The following UNKL variants were observed in gnomAD, a reference collection of about 807,000 sequenced individuals.
UNKL encodes the protein putative E3 ubiquitin-protein ligase UNKL.
In UNKL, 60 loss-of-function variants were observed where a neutral mutation model predicts 78.0. The ratio of observed to expected loss-of-function variants is 0.77; its 90% CI spans 0.63 to 0.95. The LOEUF is 0.95. UNKL is among the 40% of genes least tolerant of loss of function. UNKL has a pLI of 0.00. For missense variants in UNKL, 1,159 were observed against 1,045.7 expected (o/e 1.11, Z -1.49); for synonymous variants, 608 against 474.8 (o/e 1.28, Z -3.65).
intron 2 of UNKL, among the ~76,000 whole-genome samples, chr16:1,406,937 G>C (rs1596768396): frequency 6.7e-6 from 1 of 148,696 alleles, no homozygotes; most frequent in South Asian, 2.1e-4. Context: ...CAGGAGTTAA[G>C]AGATCAGCCT....
In UNKL at chr16:1,385,337, T is replaced by A; in HGVS notation, c.1135A>T (p.Ser379Cys). The change falls in exon 10 of 15, where the codon AGC (serine) becomes TGC (cysteine). Residue 379 changes from serine to cysteine, a missense_variant. By Grantham distance (112) the Ser-to-Cys change is moderately radical. Coordinates refer to ENST00000389221, the MANE Select transcript of UNKL (RefSeq NM_001372107.1). ...AAVHPPAPSVSSSVASSLASS... is the reference protein window; with the variant it reads ...AAVHPPAPSVCSSVASSLASS... ...GCCAGGCTGGACGCCACGCTGGAGC[T>A]CACGCTGGGGGCCGGCGGGTGGACC... 1 of 1,424,746 alleles carries A rather than the reference T, an allele frequency of 7.0e-7. No individual in the cohort carries two copies. The allele number at this position is 1,424,746 out of a possible 1,614,324, so 88.3% of individuals were successfully genotyped here. A position where few individuals can be genotyped will look rare whatever the true frequency, so the allele number is the denominator to read the frequency against.
rs2036882689 is a variant in UNKL, at chr16:1,387,897, C to T, written c.1087-2512G>A. Among the ~76,000 whole-genome samples, 1 of 151,988 alleles carries T rather than the reference C, an allele frequency of 6.6e-6. No individual in the cohort carries two copies. Among genetic ancestry groups the T allele is most frequent in the South Asian group, 2.1e-4 (1 of 4,828 alleles). On this transcript the variant is annotated intron_variant, in intron 9 of 14. Transcript: ENST00000389221. The surrounding 1 kb of genome is among the most constrained non-coding windows in gnomAD (Gnocchi z 4.1). ...GCACGGTCCCTACACACAAGCTGCC[C>T]CTGCTCAGTCAGGCTGAGGTTCCCC...
rs1363298721 is a variant in UNKL at position 1,365,728 on chromosome 16, CAAT to C, written c.*509_*511del. ...ATATATTTAGCATACTATGAATTGA[CAAT>C]AAACTGATATGAAATATTTAAGTTC... On this transcript the variant is annotated 3_prime_UTR_variant, in exon 15 of 15. Transcript: ENST00000389221. The C allele has an allele frequency of 2.0e-5, 3 of 152,630 alleles. No individual in the cohort carries two copies. Among genetic ancestry groups the C allele is most frequent in the Admixed American group, 6.6e-5 (1 of 15,264 alleles). 9.5% of individuals were successfully genotyped at this position (152,630 alleles called of 1,614,324 possible).
Position 1,366,390 on chromosome 16 carries a change from G to C in UNKL, c.2052C>G (p.Ile684Met). ...RLDLEAVDGV[I>M]FQLRAKQCVA... Reference sequence around the variant, plus strand: ...CACACTGCTTGGCGCGGAGCTGGAAGATCACCTGCAGGGCCAGAACAATGA... The same window carrying C: ...CACACTGCTTGGCGCGGAGCTGGAACATCACCTGCAGGGCCAGAACAATGA... Residue 684 changes from isoleucine to methionine, a missense_variant, in exon 15 of 15, where the codon ATC becomes ATG. Coordinates refer to ENST00000389221, the MANE Select transcript of UNKL (RefSeq NM_001372107.1). 6.3e-7 allele frequency: 1 copy of C among 1,589,676 alleles called. No individual in the cohort carries two copies. Among genetic ancestry groups the C allele is most frequent in the South Asian group, 1.1e-5 (1 of 89,268 alleles).
chr16:1,404,604 GCTC>G (rs1314726923), intron 2 of UNKL, among the ~76,000 whole-genome samples: 1 of 152,180 alleles, frequency 6.6e-6, no homozygotes, highest in East Asian at 1.9e-4. Context: ...CAGCGATCCT[GCTC>G]CTAAGTACAC....
Position 1,414,650 on chromosome 16 carries a change from C to G in UNKL, c.42G>C (p.Gly14=). The G allele has an allele frequency of 3.5e-6, 4 of 1,144,940 alleles. No homozygotes were observed. The highest frequency in any genetic ancestry group is 4.3e-6 in the Non-Finnish European group (4 of 920,946). 70.9% of individuals were successfully genotyped at this position (1,144,940 alleles called of 1,614,324 possible). The change falls in exon 1 of 15, where the codon GGG becomes GGC. Residue 14 remains glycine, a synonymous_variant. Transcript: ENST00000389221. ...TCGGCTTCTCAGTCTGCGGGGGGGA[C>G]CCGCTCAGCGCCGCTGCCGCCGCTT... is the stretch of plus-strand genomic sequence containing the variant. ...VSKAAAAALS[G]SPPQTEKPTH...
At chr16:1,411,587 G>C (rs1289929987) in intron 2 of UNKL, among the ~76,000 whole-genome samples, 1 of 152,060 alleles carries the variant, frequency 6.6e-6, no homozygotes, top group Non-Finnish European at 1.5e-5. Context: ...AGCACTTTGG[G>C]ACGCCGAGGC....
intron 2 of UNKL, chr16:1,406,166 G>A: frequency 2.5e-6 from 1 of 403,240 alleles, no homozygotes; most frequent in Non-Finnish European, 5.1e-6. Flanking sequence ...CACTGAAACA[G>A]CTGGGGGTGA....
intron 12 of UNKL, chr16:1,368,255 C>G (rs1197418125): frequency 4.3e-6 from 1 of 234,450 alleles, no homozygotes; most frequent in Non-Finnish European, 8.3e-6. Context: ...CATGTGGTGA[C>G]TGCCAATGTC....
rs146020644 is a variant in UNKL at position 1,393,175 on chromosome 16, T to C, written c.938-199A>G. ...CCTCTGGTCTTAGACCAGTTTTTCATGTTTTTAACACTAAAAGCAATGTTT... is the reference window on the plus strand; with the variant it reads ...CCTCTGGTCTTAGACCAGTTTTTCACGTTTTTAACACTAAAAGCAATGTTT... On this transcript the variant is annotated intron_variant, in intron 7 of 14. Transcript: ENST00000389221. 4.2e-3 allele frequency among the ~76,000 whole-genome samples: 645 copies of C among 152,342 alleles called. 1 individual carries two copies. The highest frequency in any genetic ancestry group is 8.5e-3 in the South Asian group (41 of 4,832).
chr16:1,392,910 C>A lies in UNKL; in HGVS notation c.1004G>T (p.Gly335Val). Residue 335 changes from glycine to valine, a missense_variant, in exon 8 of 15, where the codon GGC becomes GTC. Gly to Val is a moderately radical substitution (Grantham distance 109, BLOSUM62 -3). Transcript: ENST00000389221. The part of the protein sequence containing the change: ...DLHLTSPSST[G>V]SGQPGNAKRR... ...ACTTACATTTCCCGGCTGGCCGCTGCCCGTGGAGGAAGGACTCGTGAGGTG... is the reference window on the plus strand; with the variant it reads ...ACTTACATTTCCCGGCTGGCCGCTGACCGTGGAGGAAGGACTCGTGAGGTG... The A allele has an allele frequency of 1.9e-6, 3 of 1,550,616 alleles. No individual in the cohort carries two copies. In the Middle Eastern group the frequency reaches 5.0e-4, roughly 259 times the overall value.
In UNKL at chr16:1,367,324, G is replaced by T; in HGVS notation, c.1814C>A (p.Ala605Glu). 6.5e-7 allele frequency: 1 copy of T among 1,546,750 alleles called. No individual in the cohort carries two copies. The highest frequency in any genetic ancestry group is 1.2e-5 in the South Asian group (1 of 84,302). Residue 605 changes from alanine (A) to glutamate (E), a missense_variant, in exon 14 of 15, where the codon GCG becomes GAG. Transcript: ENST00000389221. ...KQVCDAWQRE[A>E]QEAKERARVA... ...ACGGGCACGCTCCTTGGCCTCCTGCGCCTCTCGCTGCCAGGCATCGCAGAC... is the reference window on the plus strand; with the variant it reads ...ACGGGCACGCTCCTTGGCCTCCTGCTCCTCTCGCTGCCAGGCATCGCAGAC...
intron 8 of UNKL, among the ~76,000 whole-genome samples, chr16:1,391,670 C>G (rs1284881773): frequency 1.3e-5 from 2 of 151,700 alleles, no homozygotes; most frequent in Non-Finnish European, 2.9e-5. Flanking sequence ...TGTCGGTTCT[C>G]CTGAGTTCCA....
At position 1,366,380 on chromosome 16, in the gene UNKL, G is replaced by T. The variant is rs201721489; in HGVS notation, c.2062C>A (p.Arg688Ser). The change falls in exon 15 of 15, where the codon CGC becomes AGC. Residue 688 changes from arginine (R) to serine (S), a missense_variant. Physicochemically the swap from Arg to Ser is moderately radical, Grantham distance 110 (BLOSUM62 -1). Coordinates refer to ENST00000389221, the MANE Select transcript of UNKL (RefSeq NM_001372107.1). ...CGGCAGGCCACACACTGCTTGGCGC[G>T]GAGCTGGAAGATCACCTGCAGGGCC... ...EAVDGVIFQL[R>S]AKQCVACRER... The T allele has an allele frequency of 1.3e-6, 2 of 1,593,630 alleles. No homozygotes were observed. Among genetic ancestry groups the T allele is most frequent in the Admixed American group, 1.7e-5 (1 of 58,556 alleles).
At chr16:1,384,362 A>G (rs1329074509) in intron 10 of UNKL, among the ~76,000 whole-genome samples, 4 of 150,244 alleles carry the variant, frequency 2.7e-5, no homozygotes, top group African/African-American at 9.9e-5. Flanking sequence ...CCTGCTGCCC[A>G]CTCCGGGCTT....
At position 1,364,189 on chromosome 16, in the gene UNKL, C is replaced by G. The variant is rs975010645; in HGVS notation, c.*2051G>C. 1.3e-5 allele frequency: 2 copies of G among 152,232 alleles called. No individual in the cohort carries two copies. Among genetic ancestry groups the G allele is most frequent in the African/African-American group, 4.8e-5 (2 of 41,458 alleles). 9.4% of individuals were successfully genotyped at this position (152,232 alleles called of 1,614,324 possible). ...ACTGTAGTTAAAAACAAAATAGATT[C>G]ACTGAAACCAAGTCGATAGTTACCT... On this transcript the variant is annotated 3_prime_UTR_variant, in exon 15 of 15. Transcript: ENST00000389221.
chr16:1,389,467 C>CA (rs1309476186), intron 9 of UNKL, among the ~76,000 whole-genome samples: 1 of 152,180 alleles, frequency 6.6e-6, no homozygotes, highest in Non-Finnish European at 1.5e-5. Context: ...CCCAGCAACT[C>CA]AGAAGGCTGA....
At chr16:1,413,595 G>A (rs1198015540) in intron 2 of UNKL, among the ~76,000 whole-genome samples, 1 of 152,216 alleles carries the variant, frequency 6.6e-6, no homozygotes, top group African/African-American at 2.4e-5. Flanking sequence ...AAAGTGGGAG[G>A]TGAAGCAAAA....
At chr16:1,406,381 T>C (rs1447192860) in intron 2 of UNKL, among the ~76,000 whole-genome samples, 1 of 152,074 alleles carries the variant, frequency 6.6e-6, no homozygotes, top group Non-Finnish European at 1.5e-5. Flanking sequence ...CCTGGCTAAT[T>C]TTTGTATATT....
Sources: allele counts gnomAD v4.1 joint callset (sites outside exome capture counted in the v4.1 genomes callset), GRCh38; gene constraint gnomAD v4.1.1; non-coding constraint Gnocchi (gnomAD v3.1); transcripts MANE v1.5; gene names NCBI Gene and HGNC (gene_info 2026-07-23, HGNC 2026-07-21).